The following CDH9 variants were observed in gnomAD, a reference collection of about 807,000 sequenced individuals.
The protein encoded by CDH9 is cadherin-9.
In CDH9, 28 loss-of-function variants were observed where a neutral mutation model predicts 70.9. The observed-to-expected ratio is 0.40, with a 90% CI of 0.29 to 0.54. The LOEUF (loss-of-function observed/expected upper bound fraction) is 0.54, where lower values mean the gene tolerates loss of function less well. Ranked by LOEUF, CDH9 falls within the 20% of genes least tolerant of loss-of-function variation. The pLI is 0.59. For missense variants in CDH9, 874 were observed against 984.4 expected (o/e 0.89, Z 1.50); for synonymous variants, 409 against 343.1 (o/e 1.19, Z -2.12).
intron 2 of CDH9, among the ~76,000 whole-genome samples, chr5:26,970,818 T>C (rs1221884757): frequency 6.6e-6 from 1 of 152,116 alleles, no homozygotes; most frequent in East Asian, 1.9e-4. Context: ...TAAATATAAA[T>C]AGACGATTTT....
chr5:26,933,032 T>C (rs1579459625), intron 2 of CDH9, among the ~76,000 whole-genome samples: 1 of 147,476 alleles, frequency 6.8e-6, no homozygotes, highest in African/African-American at 2.4e-5. Flanking sequence ...TATTAATGTA[T>C]TATTTATATT....
rs1268360941 is a variant in CDH9, at chr5:26,951,289, CTCAAAAAAAA to C, written c.229-35375_229-35366del. 2.6e-3 allele frequency among the ~76,000 whole-genome samples: 16 copies of C among 6,104 alleles called. 1 individual carries two copies. The Admixed American group carries it at 0.049, about 19-fold the overall frequency. 4.0% of individuals were successfully genotyped at this position (6,104 alleles called of 152,430 possible). On this transcript the variant is annotated intron_variant, in intron 2 of 11. Transcript: ENST00000231021. ...CCTGGGTGACAGAGCAAGACTCTGT[CTCAAAAAAAA>C]AAAAAAAAAAAAAAAAAAGGTATGT...
chr5:26,891,899 A>C (rs6870789), intron 7 of CDH9, among the ~76,000 whole-genome samples: 49,362 of 152,020 alleles, frequency 0.32, 8,575 homozygotes, highest in Middle Eastern at 0.51. Flanking sequence ...TCCAGCAAGG[A>C]AACAGGGGCC....
rs186556509 is a variant in CDH9 at position 26,901,832 on chromosome 5, A to G, written c.1253+644T>C. Among the ~76,000 whole-genome samples, 88 of 151,980 alleles carry G rather than the reference A, an allele frequency of 5.8e-4. No homozygotes were observed. The East Asian group carries it at 0.014, about 24-fold the overall frequency. ...ATGGTGAAAACTATTCAAAATTTGG[A>G]AAGATATGCTATACAAATTAATACT... On this transcript the variant is annotated intron_variant, in intron 7 of 11. Coordinates refer to ENST00000231021, the MANE Select transcript of CDH9 (RefSeq NM_016279.4).
intron 3 of CDH9, among the ~76,000 whole-genome samples, chr5:26,912,907 A>T (rs953551103): frequency 6.6e-6 from 1 of 152,066 alleles, no homozygotes; most frequent in Non-Finnish European, 1.5e-5. Context: ...CTGAGAGTGA[A>T]TAAGTCCCAA....
At chr5:26,952,329 G>T (rs1741860733) in intron 2 of CDH9, among the ~76,000 whole-genome samples, 1 of 148,568 alleles carries the variant, frequency 6.7e-6, no homozygotes, top group African/African-American at 2.5e-5. Flanking sequence ...GAGGTGATTG[G>T]GTCGGCCGGG....
At chr5:26,983,160 G>A (rs186519297) in intron 2 of CDH9, among the ~76,000 whole-genome samples, 9 of 152,238 alleles carry the variant, frequency 5.9e-5, no homozygotes, top group Non-Finnish European at 1.3e-4. Flanking sequence ...GATACTCCCT[G>A]GGAAGGGGTC....
At chr5:27,026,188 T>G (rs921783538) in intron 1 of CDH9, among the ~76,000 whole-genome samples, 1 of 152,010 alleles carries the variant, frequency 6.6e-6, no homozygotes, top group African/African-American at 2.4e-5. Context: ...AGGTTTTAAT[T>G]AATAAAACAC....
chr5:26,916,591 C>T (rs925371458), intron 2 of CDH9, among the ~76,000 whole-genome samples: 6 of 151,926 alleles, frequency 3.9e-5, no homozygotes, highest in Middle Eastern at 3.4e-3. Context: ...AACCATATAC[C>T]GTAACAAAAG....
At chr5:26,896,770 A>C (rs1740759007) in intron 7 of CDH9, among the ~76,000 whole-genome samples, 1 of 152,076 alleles carries the variant, frequency 6.6e-6, no homozygotes, top group Non-Finnish European at 1.5e-5. Flanking sequence ...TGGAGAAGCA[A>C]GAGCAAGCAA....
intron 2 of CDH9, among the ~76,000 whole-genome samples, chr5:26,943,982 A>T (rs1741705090): frequency 2.0e-5 from 3 of 152,142 alleles, no homozygotes; most frequent in Admixed American, 6.5e-5. Flanking sequence ...TTTGATTATT[A>T]TATTTCTAAT....
intron 5 of CDH9, 147 bp from the exon 6 acceptor site, chr5:26,903,971 T>A: frequency 5.5e-6 from 3 of 542,004 alleles, no homozygotes; most frequent in Non-Finnish European, 9.5e-6. Flanking sequence ...TGTATATTTA[T>A]TAATTTGGAA....
At chr5:27,010,518 A>G (rs1742938129) in intron 1 of CDH9, among the ~76,000 whole-genome samples, 1 of 152,152 alleles carries the variant, frequency 6.6e-6, no homozygotes, top group African/African-American at 2.4e-5. Context: ...TTCTTACAGT[A>G]CTTTGAAAAT....
chr5:27,036,228 G>T (rs1239482655), intron 1 of CDH9, among the ~76,000 whole-genome samples: 2 of 151,758 alleles, frequency 1.3e-5, no homozygotes, highest in African/African-American at 4.8e-5. Context: ...AATCTTACTT[G>T]GTGAATGTAC....
intron 1 of CDH9, among the ~76,000 whole-genome samples, chr5:27,022,636 C>G (rs1489665128): frequency 6.6e-6 from 1 of 152,132 alleles, no homozygotes; most frequent in Non-Finnish European, 1.5e-5. Context: ...CCAGATGTGA[C>G]TGTCTTGACT....
chr5:26,988,441 G>A (rs1002138770), intron 1 of CDH9, 59 bp from the exon 2 acceptor site: 38 of 1,388,778 alleles, frequency 2.7e-5, no homozygotes, highest in Middle Eastern at 4.8e-4. Context: ...TTCCCACAAC[G>A]TGTAAACTGA....
chr5:26,909,561 GT>G (rs1480655439), intron 3 of CDH9, among the ~76,000 whole-genome samples: 2 of 145,188 alleles, frequency 1.4e-5, no homozygotes, highest in Non-Finnish European at 3.0e-5. Context: ...TATACTTTAA[GT>G]TTTAGGGTAC....
In CDH9 at chr5:26,998,423, T is replaced by C. The variant is rs184085761; in HGVS notation, c.-49-10041A>G. ...ATAAAAAATGATGAGTTCATGTCCTTTGAAGGGATATGGATGAAGCTGGAA... is the reference window on the plus strand; with the variant it reads ...ATAAAAAATGATGAGTTCATGTCCTCTGAAGGGATATGGATGAAGCTGGAA... On this transcript the variant is annotated intron_variant, in intron 1 of 11. Coordinates refer to ENST00000231021, the MANE Select transcript of CDH9 (RefSeq NM_016279.4). Among the ~76,000 whole-genome samples the C allele has an allele frequency of 2.0e-5, 3 of 152,164 alleles. 1 individual carries two copies. In the East Asian group the frequency reaches 5.8e-4, roughly 29 times the overall value.
chr5:27,013,327 A>G (rs545300503), intron 1 of CDH9, among the ~76,000 whole-genome samples: 17 of 151,906 alleles, frequency 1.1e-4, no homozygotes, highest in African/African-American at 3.9e-4. Context: ...GTGAAATCCA[A>G]CTGCTTGAGG....
Sources: gnomAD v4.1 joint callset for allele counts (sites outside exome capture counted in the v4.1 genomes callset) on GRCh38, gnomAD v4.1.1 for gene constraint, MANE v1.5 for transcripts, NCBI Gene and HGNC (gene_info 2026-07-23, HGNC 2026-07-21) for gene names.